Variants in RPP30 observed in about 807,000 individuals in gnomAD.
The protein encoded by RPP30 is ribonuclease P protein subunit p30.
RPP30 carries 36 observed loss-of-function variants against 38.6 expected under a neutral mutation model. That is an observed-to-expected ratio of 0.93 (90% CI 0.71 to 1.23). The LOEUF is 1.23. Among genes scored for constraint, RPP30 ranks in the 50% most tolerant of loss-of-function variants. The pLI, the probability that RPP30 is intolerant of heterozygous loss-of-function variation, is 0.00. For missense variants in RPP30, 321 were observed against 321.7 expected (o/e 1.00, Z 0.02); for synonymous variants, 126 against 112.7 (o/e 1.12, Z -0.75).
chr10:90,892,250 C>A (rs1202532330), intron 6 of RPP30, among the ~76,000 whole-genome samples: 5 of 152,148 alleles, frequency 3.3e-5, no homozygotes, highest in Non-Finnish European at 7.4e-5. Flanking sequence ...GAGCTTTAGG[C>A]AATTTGCATC....
At chr10:90,905,802 C>G (rs1245112377), downstream of RPP30, 2 of 152,126 alleles carry the variant, frequency 1.3e-5, no homozygotes, top group African/African-American at 4.8e-5. Context: ...AAGTCTTATA[C>G]TTTTGATGTC....
At chr10:90,884,795 C>T (rs1295037416) in intron 5 of RPP30, among the ~76,000 whole-genome samples, 1 of 152,202 alleles carries the variant, frequency 6.6e-6, no homozygotes, top group African/African-American at 2.4e-5. Flanking sequence ...CTCCACTCTT[C>T]CTTACTCTGC....
At chr10:90,879,340 C>G (rs1390156032) in intron 5 of RPP30, among the ~76,000 whole-genome samples, 3 of 152,092 alleles carry the variant, frequency 2.0e-5, no homozygotes, top group South Asian at 4.2e-4. Flanking sequence ...ATGCTGCTAA[C>G]CTTTGATAGG....
chr10:90,891,212 C>G (rs1397420402), intron 6 of RPP30, among the ~76,000 whole-genome samples: 1 of 152,218 alleles, frequency 6.6e-6, no homozygotes, highest in Non-Finnish European at 1.5e-5. Context: ...TATAGGACCA[C>G]CTTCCTTGCC....
intron 5 of RPP30, 133 bp downstream of exon 5, chr10:90,879,267 A>G: frequency 1.5e-6 from 1 of 677,384 alleles, no homozygotes; most frequent in Non-Finnish European, 2.5e-6. Context: ...TGGAGTTTCT[A>G]GAACCCCATA....
chr10:90,896,873 G>C (rs1847144637), intron 10 of RPP30, among the ~76,000 whole-genome samples: 1 of 152,040 alleles, frequency 6.6e-6, no homozygotes, highest in African/African-American at 2.4e-5. Context: ...CTTTTCTCAT[G>C]TTTGCTTACA....
chr10:90,877,463 G>A (rs1337264179), intron 4 of RPP30, among the ~76,000 whole-genome samples: 4 of 152,104 alleles, frequency 2.6e-5, no homozygotes, highest in African/African-American at 9.7e-5. Context: ...GAGTCCTAAG[G>A]AACTTCACTA....
At chr10:90,890,510 T>A (rs893828742) in intron 6 of RPP30, among the ~76,000 whole-genome samples, 1 of 152,198 alleles carries the variant, frequency 6.6e-6, no homozygotes, top group African/African-American at 2.4e-5. Flanking sequence ...CTGAGAGATG[T>A]TTAGTAAGTA....
Position 90,900,823 on chromosome 10 carries a change from C to T in RPP30, c.*144C>T. 1 of 1,345,552 alleles carries T rather than the reference C, an allele frequency of 7.4e-7. No individual in the cohort carries two copies. The highest frequency in any genetic ancestry group is 1.5e-5 in the African/African-American group (1 of 67,514). The allele number at this position is 1,345,552 out of a possible 1,614,324, so 83.4% of individuals were successfully genotyped here. A position where few individuals can be genotyped will look rare whatever the true frequency, so the allele number is the denominator to read the frequency against. ...CTATAAAAACAGTTTTACTTGCAATCCATTAAAACAACAAACGAAACCTAG... is the reference window on the plus strand; with the variant it reads ...CTATAAAAACAGTTTTACTTGCAATTCATTAAAACAACAAACGAAACCTAG... On this transcript the variant is annotated 3_prime_UTR_variant, in exon 11 of 11. Coordinates refer to ENST00000371703, the MANE Select transcript of RPP30 (RefSeq NM_006413.5).
Position 90,893,236 on chromosome 10 carries a change from T to A in RPP30, c.433-1539T>A, listed in dbSNP as rs192226960. Among the ~76,000 whole-genome samples, 3 of 152,270 alleles carry A rather than the reference T, an allele frequency of 2.0e-5. No individual in the cohort carries two copies. In the East Asian group the frequency reaches 5.8e-4, roughly 29 times the overall value. ...TCGGGAGGGAAAAGCAGAAGGGGCC[T>A]TCAAGTACAACTGAATTAAATCAAG... On this transcript the variant is annotated intron_variant, in intron 6 of 10. Transcript: ENST00000371703.
Position 90,901,761 on chromosome 10 carries a change from G to T in RPP30, c.*1082G>T. On this transcript the variant is annotated 3_prime_UTR_variant, in exon 11 of 11. Transcript: ENST00000371703. ...ATGGAGTAGAGCCAGAGGTATAACTGAATAAGAAATTTTTTTAAGCAAGAG... is the reference window on the plus strand; with the variant it reads ...ATGGAGTAGAGCCAGAGGTATAACTTAATAAGAAATTTTTTTAAGCAAGAG... 1 of 984,700 alleles carries T rather than the reference G, an allele frequency of 1.0e-6. No individual in the cohort carries two copies. Among genetic ancestry groups the T allele is most frequent in the Non-Finnish European group, 1.2e-6 (1 of 829,442 alleles). 61.0% of individuals were successfully genotyped at this position (984,700 alleles called of 1,614,324 possible).
At chr10:90,894,254 CAATT>C (rs1847113911) in intron 6 of RPP30, among the ~76,000 whole-genome samples, 1 of 152,178 alleles carries the variant, frequency 6.6e-6, no homozygotes, top group African/African-American at 2.4e-5. Flanking sequence ...AGTCAGCACT[CAATT>C]AACTATGGCT....
chr10:90,896,026 T>C, intron 9 of RPP30, 109 bp downstream of exon 9: 2 of 823,262 alleles, frequency 2.4e-6, no homozygotes, highest in Non-Finnish European at 4.0e-6. Flanking sequence ...ACTGTAAGTT[T>C]ACCAATTAAT....
chr10:90,889,772 T>G (rs1280147085), intron 6 of RPP30, among the ~76,000 whole-genome samples: 1 of 152,184 alleles, frequency 6.6e-6, no homozygotes, highest in African/African-American at 2.4e-5. Context: ...ACTCCATTTG[T>G]GTACTTTGCA....
Position 90,901,673 on chromosome 10 carries a change from T to C in RPP30, c.*994T>C, listed in dbSNP as rs1190184417. On this transcript the variant is annotated 3_prime_UTR_variant, in exon 11 of 11. Transcript: ENST00000371703. ...ATTTTTATAATGGGATCATGTTAAG[T>C]AGAAGTAGCTTTTTATGCAAATACA... is the stretch of plus-strand genomic sequence containing the variant. 1.0e-6 allele frequency: 1 copy of C among 984,922 alleles called. No individual in the cohort carries two copies. The highest frequency in any genetic ancestry group is 1.2e-6 in the Non-Finnish European group (1 of 829,590). The allele number at this position is 984,922 out of a possible 1,614,324, so 61.0% of individuals were successfully genotyped here. A position where few individuals can be genotyped will look rare whatever the true frequency, so the allele number is the denominator to read the frequency against.
chr10:90,907,101 C>A (rs1223945339), downstream of RPP30, among the ~76,000 whole-genome samples: 2 of 152,168 alleles, frequency 1.3e-5, no homozygotes, highest in Non-Finnish European at 2.9e-5. Flanking sequence ...CTTTTTAACT[C>A]TTTATTCTCT....
chr10:90,883,476 A>G (rs1394326435), intron 5 of RPP30, among the ~76,000 whole-genome samples: 1 of 152,146 alleles, frequency 6.6e-6, no homozygotes, highest in Non-Finnish European at 1.5e-5. Flanking sequence ...TGGTTATCTA[A>G]AAGTATTGAT....
intron 6 of RPP30, among the ~76,000 whole-genome samples, chr10:90,886,962 T>G (rs531455845): frequency 1.0e-3 from 152 of 151,816 alleles, no homozygotes; most frequent in Non-Finnish European, 1.9e-3. Flanking sequence ...GCAAAAATTA[T>G]TAGTAGTAGT....
downstream of RPP30, among the ~76,000 whole-genome samples, chr10:90,907,821 G>T: frequency 6.6e-6 from 1 of 152,116 alleles, no homozygotes; most frequent in East Asian, 1.9e-4. Flanking sequence ...TTCCTTCATC[G>T]TATTTACAAC....
Sources: gnomAD v4.1 joint callset for allele counts (sites outside exome capture counted in the v4.1 genomes callset) on GRCh38, gnomAD v4.1.1 for gene constraint, MANE v1.5 for transcripts, NCBI Gene and HGNC (gene_info 2026-07-23, HGNC 2026-07-21) for gene names.